UCHL5: variants seen among roughly 807,000 people sequenced by gnomAD.
UCHL5 encodes ubiquitin carboxyl-terminal hydrolase isozyme L5.
In UCHL5, 34 loss-of-function variants were observed where a neutral mutation model predicts 53.8. The observed-to-expected ratio is 0.63, with a 90% CI of 0.48 to 0.84. The LOEUF (loss-of-function observed/expected upper bound fraction) is 0.84, where lower values mean the gene tolerates loss of function less well. UCHL5 is among the 40% of genes least tolerant of loss of function. The probability of loss-of-function intolerance (pLI) is 0.00; values close to 1 mark genes in which losing one functional copy is unlikely to be tolerated. For missense variants in UCHL5, 290 were observed against 385.6 expected (o/e 0.75, Z 2.08); for synonymous variants, 111 against 126.3 (o/e 0.88, Z 0.81).
chr1:193,057,031 T>TA (rs1466012098), intron 1 of UCHL5, among the ~76,000 whole-genome samples: 3 of 152,232 alleles, frequency 2.0e-5, no homozygotes, highest in Non-Finnish European at 2.9e-5. Flanking sequence ...AAAACAAACT[T>TA]ACCTAGTACA....
chr1:193,034,506 T>A (rs1266070037), intron 3 of UCHL5, among the ~76,000 whole-genome samples: 1 of 152,046 alleles, frequency 6.6e-6, no homozygotes, highest in Non-Finnish European at 1.5e-5. Flanking sequence ...ACAGGTCAAT[T>A]CTACAAAAAT....
intron 3 of UCHL5, among the ~76,000 whole-genome samples, chr1:193,033,628 G>T (rs989710876): frequency 4.0e-5 from 6 of 151,884 alleles, no homozygotes; most frequent in African/African-American, 1.5e-4. Context: ...AAGGAAAAAG[G>T]TTGAGAATGT....
intron 3 of UCHL5, among the ~76,000 whole-genome samples, chr1:193,036,893 TACTAAATGATGA>T (rs1663706040): frequency 6.6e-6 from 1 of 151,936 alleles, no homozygotes; most frequent in African/African-American, 2.4e-5. Context: ...AACAACATGT[TACTAAATGATGA>T]ATAGGCCAAT....
chr1:193,053,825 A>G (rs1476216963), intron 1 of UCHL5, among the ~76,000 whole-genome samples: 1 of 152,218 alleles, frequency 6.6e-6, no homozygotes, highest in African/African-American at 2.4e-5. Context: ...TTGCGTGCCA[A>G]GCATGGTACT....
intron 7 of UCHL5, among the ~76,000 whole-genome samples, chr1:193,025,960 G>T (rs539000477): frequency 6.6e-6 from 1 of 151,844 alleles, no homozygotes; most frequent in South Asian, 2.1e-4. Context: ...TGGAACAATG[G>T]ACAGACTAGT....
At chr1:193,028,224 A>C in intron 6 of UCHL5, 76 bp from the exon 7 acceptor site, 2 of 1,283,302 alleles carry the variant, frequency 1.6e-6, no homozygotes, top group South Asian at 1.7e-5. Flanking sequence ...AGTTTGGCCC[A>C]AAATATTTTT....
intron 3 of UCHL5, among the ~76,000 whole-genome samples, chr1:193,038,716 C>T (rs971183198): frequency 3.3e-5 from 5 of 152,112 alleles, no homozygotes; most frequent in African/African-American, 1.2e-4. Context: ...CAGGATATAA[C>T]CAAGCACAGT....
chr1:193,041,418 C>T (rs946976519), intron 3 of UCHL5, among the ~76,000 whole-genome samples: 1 of 152,078 alleles, frequency 6.6e-6, no homozygotes, highest in African/African-American at 2.4e-5. Flanking sequence ...TAAGCCAAGA[C>T]AAAAATGAAG....
At chr1:193,045,394 G>A (rs894274096) in intron 3 of UCHL5, among the ~76,000 whole-genome samples, 1 of 152,200 alleles carries the variant, frequency 6.6e-6, no homozygotes, top group African/African-American at 2.4e-5. Context: ...GATCCCTTAT[G>A]AATGGCTTAG....
intron 3 of UCHL5, among the ~76,000 whole-genome samples, chr1:193,045,523 TGCC>T (rs1348595222): frequency 3.9e-5 from 6 of 152,232 alleles, no homozygotes; most frequent in Non-Finnish European, 7.3e-5. Flanking sequence ...GTTCCTACTT[TGCC>T]TACCACCATG....
intron 1 of UCHL5, among the ~76,000 whole-genome samples, chr1:193,058,759 G>A (rs1217395254): frequency 6.6e-6 from 1 of 152,260 alleles, no homozygotes; most frequent in African/African-American, 2.4e-5. Context: ...TCACCCTTGA[G>A]AAGGCGCACC....
At chr1:193,057,867 T>TTATAACTC (rs1189873706) in intron 1 of UCHL5, among the ~76,000 whole-genome samples, 4 of 152,250 alleles carry the variant, frequency 2.6e-5, no homozygotes, top group Non-Finnish European at 5.9e-5. Context: ...AACATAGCAA[T>TTATAACTC]TAACACACCA....
intron 3 of UCHL5, among the ~76,000 whole-genome samples, chr1:193,049,269 C>T (rs1193208313): frequency 1.3e-5 from 2 of 152,064 alleles, no homozygotes; most frequent in African/African-American, 4.8e-5. Context: ...ACAAAAATAG[C>T]CTGGTGTGGT....
intron 3 of UCHL5, among the ~76,000 whole-genome samples, chr1:193,037,581 C>T (rs1176218150): frequency 6.6e-6 from 1 of 152,096 alleles, no homozygotes; most frequent in Non-Finnish European, 1.5e-5. Flanking sequence ...TTTACTCAAA[C>T]TCTTCAAAAA....
chr1:193,029,413 G>A lies in UCHL5; in HGVS notation c.409C>T (p.Arg137Ter). 3 of 1,613,594 alleles carry A rather than the reference G, an allele frequency of 1.9e-6. No individual in the cohort carries two copies. The highest frequency in any genetic ancestry group is 1.7e-5 in the Admixed American group (1 of 59,978). The change falls in exon 5 of 11, where the codon CGA (arginine) becomes TGA (stop). Residue 137 changes from arginine (R) to a stop codon, truncating the protein, a stop_gained. Coordinates refer to ENST00000367454, the MANE Select transcript of UCHL5 (RefSeq NM_001199261.3). LOFTEE classifies it high-confidence loss of function. ...CTGGCGAAACTGTTGTGTACTTGTC[G>A]AATCACATCTGAATTGCTCAGTGCC... ...GLALSNSDVI[R>*]QVHNSFARQQ...
chr1:193,040,953 A>G lies in UCHL5; in HGVS notation c.246+8793T>C, dbSNP rs1486912874. ...AGCTAAAACAGCAAATCTTCAGGAT[A>G]GAAAGTAGACTGATGGTTGCCAGAG... On this transcript the variant is annotated intron_variant, in intron 3 of 10. Coordinates refer to ENST00000367454, the MANE Select transcript of UCHL5 (RefSeq NM_001199261.3). Among the ~76,000 whole-genome samples the G allele has an allele frequency of 2.6e-5, 4 of 152,212 alleles. No individual in the cohort carries two copies. In the East Asian group the frequency reaches 7.7e-4, roughly 29 times the overall value.
rs1445880691 is a variant in UCHL5 at position 193,023,883 on chromosome 1, A to G, written c.693T>C (p.Tyr231=). Residue 231 remains tyrosine (Y), a synonymous_variant, in exon 8 of 11, where the codon TAT becomes TAC. Transcript: ENST00000367454. ...TTTGTAACTCTGCTATCTTCTGCTC[A>G]TATATCATTTTTCTGTCAGACACAA... ...MAIVSDRKMI[Y]EQKIAELQRQ... is the part of the protein sequence containing the mutation. 1.2e-6 allele frequency: 2 copies of G among 1,613,264 alleles called. No individual in the cohort carries two copies. The highest frequency in any genetic ancestry group is 1.3e-5 in the African/African-American group (1 of 75,002).
chr1:193,043,038 A>G (rs1315804465), intron 3 of UCHL5, among the ~76,000 whole-genome samples: 3 of 151,756 alleles, frequency 2.0e-5, no homozygotes, highest in Admixed American at 6.6e-5. Flanking sequence ...GAATTGAGAA[A>G]GAATGGCTGA....
chr1:193,059,629 G>A, upstream of UCHL5: 1 of 1,406,420 alleles, frequency 7.1e-7, no homozygotes, highest in Non-Finnish European at 9.5e-7. This position sits in a 1 kb window ranked among gnomAD's most constrained non-coding sequence, Gnocchi z 4.9. Context: ...CCCGGGAACC[G>A]AACCTGGAAT....
Sources: gnomAD v4.1 joint callset for allele counts (sites outside exome capture counted in the v4.1 genomes callset) on GRCh38, gnomAD v4.1.1 for gene constraint, Gnocchi (gnomAD v3.1) non-coding constraint, MANE v1.5 for transcripts, NCBI Gene and HGNC (gene_info 2026-07-23, HGNC 2026-07-21) for gene names.